The following CDH18 variants were observed in gnomAD, a reference collection of about 807,000 sequenced individuals.
The protein encoded by CDH18 is cadherin 18.
In CDH18, 31 loss-of-function variants were observed where a neutral mutation model predicts 67.9. The observed-to-expected ratio is 0.46, with a 90% CI of 0.34 to 0.62. The LOEUF is 0.62. Among genes scored for constraint, CDH18 ranks in the 20% least tolerant of loss-of-function variants. The pLI is 0.01. For synonymous variants in CDH18, 362 were observed against 347.2 expected (o/e 1.04, Z -0.48); for missense variants, 890 against 975.5 (o/e 0.91, Z 1.17).
intron 1 of CDH18, among the ~76,000 whole-genome samples, chr5:20,574,323 G>A (rs1758997454): frequency 6.6e-6 from 1 of 151,796 alleles, no homozygotes; most frequent in South Asian, 2.1e-4. Flanking sequence ...ACTAAGGTTG[G>A]CAATCATGTT....
chr5:20,233,462 C>T (rs2126512445), intron 2 of CDH18, among the ~76,000 whole-genome samples: 1 of 151,866 alleles, frequency 6.6e-6, no homozygotes, highest in East Asian at 1.9e-4. Context: ...TTGACAGATA[C>T]AGTCAGTTAG....
intron 2 of CDH18, among the ~76,000 whole-genome samples, chr5:20,039,246 T>C (rs1475674642): frequency 6.6e-6 from 1 of 152,140 alleles, no homozygotes; most frequent in Non-Finnish European, 1.5e-5. Flanking sequence ...GAAGAATCAA[T>C]ATCATGAAAA....
At chr5:19,483,116 C>A (rs539342832) in intron 12 of CDH18, among the ~76,000 whole-genome samples, 185 bp downstream of exon 12, 2 of 152,260 alleles carry the variant, frequency 1.3e-5, no homozygotes, top group East Asian at 3.9e-4. Context: ...TATTTCAGTT[C>A]TTCCAACATA....
At chr5:19,687,310 A>C (rs1487689947) in intron 5 of CDH18, among the ~76,000 whole-genome samples, 3 of 152,170 alleles carry the variant, frequency 2.0e-5, no homozygotes, top group African/African-American at 7.2e-5. Context: ...ACCAGCCTCC[A>C]TCAGAATGCA....
At chr5:19,580,858 T>C (rs917545081) in intron 7 of CDH18, among the ~76,000 whole-genome samples, 10 of 151,920 alleles carry the variant, frequency 6.6e-5, no homozygotes, top group Non-Finnish European at 1.3e-4. Flanking sequence ...TAGTGTAATA[T>C]AATATTTCAT....
rs1368574680 is a variant in CDH18, at chr5:20,056,053, G to A, written c.-517-64039C>T. ...TGAGTCTCACTCCGTTACCCAGGCT[G>A]GAGTGCAGTGGCACCATCTTGGCTC... is the stretch of plus-strand genomic sequence containing the variant. On this transcript the variant is annotated intron_variant, in intron 2 of 14. Transcript: ENST00000507958. Among the ~76,000 whole-genome samples the A allele has an allele frequency of 1.4e-4, 19 of 131,274 alleles. No homozygotes were observed. The South Asian group carries it at 3.3e-3, about 23-fold the overall frequency. 86.1% of individuals were successfully genotyped at this position (131,274 alleles called of 152,430 possible).
At chr5:19,976,845 C>A (rs766644659) in intron 2 of CDH18, among the ~76,000 whole-genome samples, 1 of 151,940 alleles carries the variant, frequency 6.6e-6, no homozygotes, top group Non-Finnish European at 1.5e-5. Context: ...AAGACAAGAA[C>A]GCATCAGATT....
In CDH18 at chr5:19,578,812, G is replaced by T. The variant is rs138193140; in HGVS notation, c.1000-6980C>A. Among the ~76,000 whole-genome samples, 805 of 148,322 alleles carry T rather than the reference G, an allele frequency of 5.4e-3. 8 individuals are homozygous for T. Among genetic ancestry groups the T allele is most frequent in the African/African-American group, 0.019 (768 of 40,488 alleles). On this transcript the variant is annotated intron_variant, in intron 7 of 12. Coordinates refer to ENST00000382275, the MANE Select transcript of CDH18 (RefSeq NM_004934.5). ...GCAATTTGTTTGCCTTTTTTTTTCT[G>T]TGATTTGAGAATTCCTGAAGAAGAA...
intron 2 of CDH18, among the ~76,000 whole-genome samples, chr5:19,854,034 G>A (rs571357707): frequency 2.0e-5 from 3 of 152,164 alleles, no homozygotes; most frequent in East Asian, 3.9e-4. Context: ...ACAAAATCTG[G>A]CAGTGTCCAC....
At chr5:19,829,250 T>C (rs1391147902) in intron 3 of CDH18, among the ~76,000 whole-genome samples, 2 of 151,994 alleles carry the variant, frequency 1.3e-5, no homozygotes, top group Non-Finnish European at 1.5e-5. Flanking sequence ...ACCATCCAAA[T>C]AGAAAGAGAG....
At chr5:20,216,641 G>T (rs534952398) in intron 2 of CDH18, among the ~76,000 whole-genome samples, 2 of 151,910 alleles carry the variant, frequency 1.3e-5, no homozygotes, top group South Asian at 2.1e-4. Flanking sequence ...TTTTACACTA[G>T]TTTCCTCTGA....
intron 2 of CDH18, among the ~76,000 whole-genome samples, chr5:19,916,186 A>T (rs1307902618): frequency 6.6e-6 from 1 of 152,116 alleles, no homozygotes; most frequent in African/African-American, 2.4e-5. Context: ...AACTATCAAG[A>T]GCCACACGTC....
intron 2 of CDH18, among the ~76,000 whole-genome samples, chr5:19,840,277 A>AG: frequency 1.3e-5 from 1 of 74,628 alleles, no homozygotes; most frequent in African/African-American, 4.1e-5. Flanking sequence ...TCCGTCTCAA[A>AG]AAAAAAAAAA....
rs1561425935 is a variant in CDH18, at chr5:19,593,711, CTTCTTCTTCTTCTTCTT to C, written c.812-2484_812-2468del. On this transcript the variant is annotated intron_variant, in intron 6 of 12. Coordinates refer to ENST00000382275, the MANE Select transcript of CDH18 (RefSeq NM_004934.5). Reference sequence around the variant, plus strand: ...TCTCTTCCTCTTCCTCCTCCTCCTTCTTCTTCTTCTTCTTCTTCTTCTTCTTCTTCTTCTTCTTCTTC... The same window carrying C: ...TCTCTTCCTCTTCCTCCTCCTCCTTCCTTCTTCTTCTTCTTCTTCTTCTTC... 3.6e-4 allele frequency among the ~76,000 whole-genome samples: 47 copies of C among 129,404 alleles called. No homozygotes were observed. The East Asian group carries it at 4.8e-3, about 13-fold the overall frequency. 84.9% of individuals were successfully genotyped at this position (129,404 alleles called of 152,430 possible). A position where few individuals can be genotyped will look rare whatever the true frequency, so the allele number is the denominator to read the frequency against.
At chr5:19,733,440 C>T (rs1477110391) in intron 4 of CDH18, among the ~76,000 whole-genome samples, 2 of 152,134 alleles carry the variant, frequency 1.3e-5, no homozygotes, top group African/African-American at 4.8e-5. Context: ...GACCTGACTT[C>T]AAGAGAGACA....
chr5:20,498,605 A>T (rs894358641), intron 1 of CDH18, among the ~76,000 whole-genome samples: 2 of 152,130 alleles, frequency 1.3e-5, no homozygotes, highest in African/African-American at 4.8e-5. Flanking sequence ...TAATTGTATC[A>T]CTATATAAAT....
chr5:20,205,181 T>A (rs1011615195), intron 2 of CDH18, among the ~76,000 whole-genome samples: 4 of 151,666 alleles, frequency 2.6e-5, no homozygotes, highest in African/African-American at 9.7e-5. Flanking sequence ...AAGGTAAGAG[T>A]GTTAAAACCG....
chr5:20,488,687 A>G (rs906446365), intron 1 of CDH18, among the ~76,000 whole-genome samples: 3 of 127,174 alleles, frequency 2.4e-5, no homozygotes, highest in African/African-American at 8.1e-5. Flanking sequence ...ATATATATAT[A>G]TATATATATA....
intron 2 of CDH18, among the ~76,000 whole-genome samples, chr5:20,224,179 T>C (rs1243729258): frequency 6.6e-6 from 1 of 152,164 alleles, no homozygotes; most frequent in Non-Finnish European, 1.5e-5. Flanking sequence ...ATTTTGAACG[T>C]ATAAAATTAC....
Sources: gnomAD v4.1 joint callset for allele counts (sites outside exome capture counted in the v4.1 genomes callset) on GRCh38, gnomAD v4.1.1 for gene constraint, MANE v1.5 for transcripts, NCBI Gene and HGNC (gene_info 2026-07-23, HGNC 2026-07-21) for gene names.